PTGIS: variants seen among roughly 807,000 people sequenced by gnomAD.
The protein encoded by PTGIS is prostaglandin I2 synthase.
Under a neutral mutation model 50.3 loss-of-function variants are expected in PTGIS, and 45 were observed. The ratio of observed to expected loss-of-function variants is 0.90; its 90% CI spans 0.70 to 1.15. The LOEUF (loss-of-function observed/expected upper bound fraction) is 1.15, where lower values mean the gene tolerates loss of function less well. PTGIS is among the 50% of genes most tolerant of loss of function. The probability of loss-of-function intolerance (pLI) is 0.00; values close to 1 mark genes in which losing one functional copy is unlikely to be tolerated. For synonymous variants in PTGIS, 260 were observed against 267.7 expected (o/e 0.97, Z 0.28); for missense variants, 668 against 661.3 (o/e 1.01, Z -0.11).
chr20:49,524,265 G>A, intron 5 of PTGIS, 26 bp from the exon 6 acceptor site: 2 of 1,611,614 alleles, frequency 1.2e-6, no homozygotes, highest in Non-Finnish European at 1.7e-6. Flanking sequence ...ACAGAGAGTA[G>A]GGGTTACAGA....
At chr20:49,521,664 C>T (rs1302437130) in intron 6 of PTGIS, among the ~76,000 whole-genome samples, 1 of 152,162 alleles carries the variant, frequency 6.6e-6, no homozygotes, top group Non-Finnish European at 1.5e-5. Context: ...CCAGTCTCTG[C>T]CTGCAAGGAC....
chr20:49,537,618 GGTGGTGC>G (rs1982113637), intron 5 of PTGIS, among the ~76,000 whole-genome samples: 1 of 152,166 alleles, frequency 6.6e-6, no homozygotes, highest in Non-Finnish European at 1.5e-5. Flanking sequence ...AACCAGGCGT[GGTGGTGC>G]GTGCCTGTAA....
intron 4 of PTGIS, among the ~76,000 whole-genome samples, chr20:49,543,743 C>T (rs1233536168): frequency 1.3e-5 from 2 of 152,110 alleles, no homozygotes; most frequent in African/African-American, 4.8e-5. Flanking sequence ...ATGCTGTCAC[C>T]CCACCCGTGG....
Position 49,568,118 on chromosome 20 carries a change from G to T in PTGIS, c.-2C>A. The stretch of plus-strand genomic sequence containing the variant: ...GCCGAGGAGCGCGGCCCAAGCCATC[G>T]CGGGGCTGGCGGGGCTGGCGGGGCT... On this transcript the variant is annotated 5_prime_UTR_variant, in exon 1 of 10. Transcript: ENST00000244043. 1.1e-6 allele frequency: 1 copy of T among 930,902 alleles called. No individual in the cohort carries two copies. The highest frequency in any genetic ancestry group is 1.4e-6 in the Non-Finnish European group (1 of 733,286). The allele number at this position is 930,902 out of a possible 1,614,324, so 57.7% of individuals were successfully genotyped here.
At chr20:49,526,017 C>T (rs759297392) in intron 5 of PTGIS, among the ~76,000 whole-genome samples, 7 of 152,142 alleles carry the variant, frequency 4.6e-5, no homozygotes, top group Non-Finnish European at 8.8e-5. Flanking sequence ...GTCACCATTT[C>T]GGGTGACATT....
rs1441919972 is a variant in PTGIS at position 49,540,690 on chromosome 20, A to G, written c.522-969T>C. On this transcript the variant is annotated intron_variant, in intron 4 of 9. Transcript: ENST00000244043. This position sits in a 1 kb window ranked among gnomAD's most constrained non-coding sequence, Gnocchi z 4.8. ...GCACACGCACACGCACACACACAGG[A>G]CCACGCTCAGAGGACGCGCCTTCAC... 6.6e-6 allele frequency among the ~76,000 whole-genome samples: 1 copy of G among 151,684 alleles called. No individual in the cohort carries two copies. The highest frequency in any genetic ancestry group is 2.4e-5 in the African/African-American group (1 of 41,384).
At chr20:49,548,684 T>A (rs113407808) in intron 2 of PTGIS, among the ~76,000 whole-genome samples, 6,081 of 150,434 alleles carry the variant, frequency 0.04, 347 homozygotes, top group African/African-American at 0.13. Context: ...AATGGGCAGA[T>A]GGATGGATTG....
rs1409838941 is a variant in PTGIS, at chr20:49,504,906, C to G, written c.*3014G>C. 1 of 151,960 alleles carries G rather than the reference C, an allele frequency of 6.6e-6. No homozygotes were observed. The highest frequency in any genetic ancestry group is 1.5e-5 in the Non-Finnish European group (1 of 68,028). 9.4% of individuals were successfully genotyped at this position (151,960 alleles called of 1,614,324 possible). A position where few individuals can be genotyped will look rare whatever the true frequency, so the allele number is the denominator to read the frequency against. ...TTGGGAGGCCGAGGCGGGCAGATCACGAGCTCAGGAGATCAAGACCATCCT... is the reference window on the plus strand; with the variant it reads ...TTGGGAGGCCGAGGCGGGCAGATCAGGAGCTCAGGAGATCAAGACCATCCT... On this transcript the variant is annotated 3_prime_UTR_variant, in exon 10 of 10. Transcript: ENST00000244043.
chr20:49,533,403 G>T (rs1467584845), intron 5 of PTGIS, among the ~76,000 whole-genome samples: 1 of 152,100 alleles, frequency 6.6e-6, no homozygotes, highest in Non-Finnish European at 1.5e-5. Flanking sequence ...TAGCTAGGGG[G>T]TCTGTTTAAC....
intron 6 of PTGIS, among the ~76,000 whole-genome samples, chr20:49,516,889 T>A (rs184982928): frequency 1.7e-3 from 254 of 152,230 alleles, no homozygotes; most frequent in African/African-American, 5.8e-3. Flanking sequence ...GCCTGGGAGG[T>A]GGGCTAGAAG....
chr20:49,562,420 A>G (rs929714828), intron 1 of PTGIS, among the ~76,000 whole-genome samples: 10 of 152,122 alleles, frequency 6.6e-5, no homozygotes, highest in Non-Finnish European at 1.3e-4. Context: ...CCCGGAGCCC[A>G]GGCGCCTGAC....
chr20:49,537,624 G>C (rs1440965003), intron 5 of PTGIS, among the ~76,000 whole-genome samples: 3 of 152,130 alleles, frequency 2.0e-5, no homozygotes, highest in Non-Finnish European at 2.9e-5. Context: ...GCGTGGTGGT[G>C]CGTGCCTGTA....
chr20:49,509,471 G>A (rs1483206642), intron 9 of PTGIS, among the ~76,000 whole-genome samples: 1 of 152,220 alleles, frequency 6.6e-6, no homozygotes, highest in African/African-American at 2.4e-5. Context: ...AGGTAGGAAT[G>A]CCAGTCGGTT....
chr20:49,510,639 T>C (rs729824), intron 9 of PTGIS, among the ~76,000 whole-genome samples: 41,925 of 151,934 alleles, frequency 0.28, 5,979 homozygotes, highest in Middle Eastern at 0.35. Context: ...GCCCCACAGG[T>C]ATTAAAATAA....
chr20:49,568,137 C>CGGGGCTGGCGGGGCTGGT, upstream of PTGIS: 3 of 1,207,554 alleles, frequency 2.5e-6, no homozygotes, highest in Non-Finnish European at 3.2e-6. Context: ...GCGGGGCTGG[C>CGGGGCTGGCGGGGCTGGT]GGGGCTGGCG....
chr20:49,536,730 G>A (rs1417700237), intron 5 of PTGIS, among the ~76,000 whole-genome samples: 1 of 152,002 alleles, frequency 6.6e-6, no homozygotes, highest in African/African-American at 2.4e-5. Context: ...TGATCCACCC[G>A]TCACGGCCTC....
intron 5 of PTGIS, among the ~76,000 whole-genome samples, chr20:49,529,734 G>A (rs11697964): frequency 0.02 from 2,996 of 152,172 alleles, 99 homozygotes; most frequent in African/African-American, 0.062. Context: ...CAGTTATCAC[G>A]TCAACTGTCA....
chr20:49,551,984 A>G (rs955191027), intron 1 of PTGIS, among the ~76,000 whole-genome samples: 4 of 152,058 alleles, frequency 2.6e-5, no homozygotes, highest in Admixed American at 6.6e-5. Context: ...CTGCTGCATA[A>G]GGGACCTAAA....
chr20:49,513,104 G>A lies in PTGIS; in HGVS notation c.1182C>T (p.Asp394=), dbSNP rs1196411859. The change falls in exon 8 of 10, where the codon GAC becomes GAT. Residue 394 remains aspartate (D), a synonymous_variant. Coordinates refer to ENST00000244043, the MANE Select transcript of PTGIS (RefSeq NM_000961.4). ...LLFPFLSPQR[D]PEIYTDPEVF... ...CCTCTGGGTCTGTGTAGATTTCTGG[G>A]TCTCTCTGGGGGCTCAGGAAGGGGA... is the stretch of plus-strand genomic sequence containing the variant. 2 of 1,613,784 alleles carry A rather than the reference G, an allele frequency of 1.2e-6. No homozygotes were observed. Among genetic ancestry groups the A allele is most frequent in the Admixed American group, 1.7e-5 (1 of 59,980 alleles).
Sources: gnomAD v4.1 joint callset for allele counts (sites outside exome capture counted in the v4.1 genomes callset) on GRCh38, gnomAD v4.1.1 for gene constraint, Gnocchi (gnomAD v3.1) non-coding constraint, MANE v1.5 for transcripts, NCBI Gene and HGNC (gene_info 2026-07-23, HGNC 2026-07-21) for gene names.